The following MAP1B variants were observed in gnomAD, a reference collection of about 807,000 sequenced individuals.
The protein encoded by MAP1B is microtubule-associated protein 1B.
Under a neutral mutation model 176.1 loss-of-function variants are expected in MAP1B, and 12 were observed. The ratio of observed to expected loss-of-function variants is 0.07; its 90% CI spans 0.04 to 0.11. MAP1B has a LOEUF of 0.11. MAP1B is among the 10% of genes least tolerant of loss of function. MAP1B has a pLI of 1.00. For missense variants in MAP1B, 2,523 were observed against 2,990.5 expected, an observed-to-expected ratio of 0.84 and a Z score of 3.65; for synonymous variants, 1,044 against 1,135.0, an observed-to-expected ratio of 0.92 and a Z score of 1.61.
Position 72,186,551 on chromosome 5 carries a change from T to C in MAP1B, c.370-63T>C. On this transcript the variant is annotated intron_variant, in intron 3 of 6. Transcript: ENST00000296755. The surrounding 1 kb of genome is among the most constrained non-coding windows in gnomAD (Gnocchi z 4.3). ...CCCATGGCTCCGAAGGCTAGCCCTG[T>C]CCTGAAGGTGGGATGGCAGCACTGC... 3 of 1,592,144 alleles carry C rather than the reference T, an allele frequency of 1.9e-6. No homozygotes were observed. Among genetic ancestry groups the C allele is most frequent in the Non-Finnish European group, 2.6e-6 (3 of 1,166,208 alleles).
At chr5:72,114,243 A>G (rs55711737) in intron 1 of MAP1B, among the ~76,000 whole-genome samples, 67,909 of 151,982 alleles carry the variant, frequency 0.45, 15,681 homozygotes, top group Middle Eastern at 0.61. Flanking sequence ...TCTATGTATA[A>G]TCCACCTTGA....
chr5:72,187,594 TAAG>T (rs1451292685), intron 4 of MAP1B, among the ~76,000 whole-genome samples: 3 of 152,168 alleles, frequency 2.0e-5, no homozygotes, highest in Admixed American at 6.5e-5. Flanking sequence ...GATGTTCTGA[TAAG>T]AAGAGTCCCC....
chr5:72,124,385 A>G lies in MAP1B; in HGVS notation c.286+8586A>G, dbSNP rs558048821. Among the ~76,000 whole-genome samples, 3 of 152,366 alleles carry G rather than the reference A, an allele frequency of 2.0e-5. No individual in the cohort carries two copies. The South Asian group carries it at 6.2e-4, about 32-fold the overall frequency. ...TTATTTTAATAAACTCTTCTAGGTT[A>G]AAGGATTGCCTATAGTCAGGACTGG... On this transcript the variant is annotated intron_variant, in intron 2 of 6. Transcript: ENST00000296755.
chr5:72,174,261 T>C (rs556685501), intron 2 of MAP1B, among the ~76,000 whole-genome samples: 10 of 152,300 alleles, frequency 6.6e-5, no homozygotes, highest in African/African-American at 2.4e-4. Context: ...ATCTATAAAA[T>C]AGCAAGAATG....
intron 2 of MAP1B, among the ~76,000 whole-genome samples, chr5:72,182,056 G>A (rs1007862399): frequency 7.1e-6 from 1 of 140,554 alleles, no homozygotes; most frequent in Non-Finnish European, 1.5e-5. Flanking sequence ...GAGACACGGG[G>A]TCTCACTTTG....
chr5:72,197,656 G>A lies in MAP1B; in HGVS notation c.4301G>A (p.Gly1434Glu), dbSNP rs150780570. 6.2e-7 allele frequency: 1 copy of A among 1,614,180 alleles called. No individual in the cohort carries two copies. Among genetic ancestry groups the A allele is most frequent in the Non-Finnish European group, 8.5e-7 (1 of 1,180,026 alleles). Reference protein sequence around the residue: ...GAESPFEEKSGKQGSPDQVSP... With the variant: ...GAESPFEEKSEKQGSPDQVSP... ...GAAAGTCCTTTTGAAGAAAAGAGTG[G>A]AAAACAAGGCTCTCCAGACCAAGTA... Residue 1434 changes from glycine to glutamate, a missense_variant, in exon 5 of 7, where the codon GGA (glycine) becomes GAA (glutamate). By Grantham distance (98) the Gly-to-Glu change is moderately conservative (BLOSUM62 -2). This residue lies in a region of MAP1B where 1,925 missense variants were observed against 2,126.0 expected (regional missense o/e 0.91). Coordinates refer to ENST00000296755, the MANE Select transcript of MAP1B (RefSeq NM_005909.5).
chr5:72,115,645 A>G, intron 1 of MAP1B, 53 bp from the exon 2 acceptor site: 1 of 985,648 alleles, frequency 1.0e-6, no homozygotes, highest in South Asian at 1.3e-5. Context: ...TGTCCAAACC[A>G]CTCTGAAATG....
At chr5:72,180,767 CT>C (rs1008904339) in intron 2 of MAP1B, among the ~76,000 whole-genome samples, 1 of 152,068 alleles carries the variant, frequency 6.6e-6, no homozygotes, top group African/African-American at 2.4e-5. Context: ...CCACCGTTGC[CT>C]TTTTTTGGCC....
chr5:72,136,985 C>T (rs1745848525), intron 2 of MAP1B, among the ~76,000 whole-genome samples: 1 of 152,026 alleles, frequency 6.6e-6, no homozygotes, highest in Admixed American at 6.5e-5. Flanking sequence ...CTTCTTCCAC[C>T]CTATGGGCCA....
chr5:72,146,633 A>G (rs1017214356), intron 2 of MAP1B, among the ~76,000 whole-genome samples: 6 of 152,168 alleles, frequency 3.9e-5, no homozygotes, highest in African/African-American at 1.2e-4. Context: ...AGCATGCCCA[A>G]GGTCACACAG....
intron 2 of MAP1B, among the ~76,000 whole-genome samples, chr5:72,140,531 C>T (rs1431045044): frequency 6.6e-6 from 1 of 152,186 alleles, no homozygotes; most frequent in East Asian, 1.9e-4. Context: ...AAAACAGCTG[C>T]ATGTCCTGAC....
rs190465440 is a variant in MAP1B at position 72,162,981 on chromosome 5, G to A, written c.287-20762G>A. Reference sequence around the variant, plus strand: ...GTGGGGGCTCACGCCTGTAATCCCAGCACTTTGGGAGGCTGAGGTGGGCAG... The same window carrying A: ...GTGGGGGCTCACGCCTGTAATCCCAACACTTTGGGAGGCTGAGGTGGGCAG... On this transcript the variant is annotated intron_variant, in intron 2 of 6. Transcript: ENST00000296755. Among the ~76,000 whole-genome samples, 203 of 152,284 alleles carry A rather than the reference G, an allele frequency of 1.3e-3. 1 individual carries two copies. The highest frequency in any genetic ancestry group is 4.6e-3 in the African/African-American group (192 of 41,558).
In MAP1B at chr5:72,194,336, A is replaced by C; in HGVS notation, c.981A>C (p.Lys327Asn). 6.2e-7 allele frequency: 1 copy of C among 1,614,236 alleles called. No homozygotes were observed. Among genetic ancestry groups the C allele is most frequent in the East Asian group, 2.2e-5 (1 of 44,890 alleles). Residue 327 changes from lysine (K) to asparagine (N), a missense_variant, in exon 5 of 7, where the codon AAA (lysine) becomes AAC (asparagine). Lys to Asn is a moderately conservative substitution (Grantham distance 94). Transcript: ENST00000296755. This position sits in a 1 kb window ranked among gnomAD's most constrained non-coding sequence, Gnocchi z 7.2. ...GAATAAACAGCATGTTACAGCGGAA[A>C]ATTGCAGAGCTCGAGGAAGAACAGT... ...LPGINSMLQR[K>N]IAELEEEQSQ... is the part of the protein sequence containing the mutation.
intron 2 of MAP1B, among the ~76,000 whole-genome samples, chr5:72,146,253 G>T (rs1746044309): frequency 6.6e-6 from 1 of 152,188 alleles, no homozygotes; most frequent in Non-Finnish European, 1.5e-5. Flanking sequence ...CAGTGACCCA[G>T]CTCATCTAAT....
At chr5:72,131,434 A>G (rs1745731039) in intron 2 of MAP1B, among the ~76,000 whole-genome samples, 2 of 152,186 alleles carry the variant, frequency 1.3e-5, no homozygotes, top group Non-Finnish European at 1.5e-5. Flanking sequence ...ATATGGATCA[A>G]TGTGAGGTTA....
chr5:72,111,517 G>T lies in MAP1B; in HGVS notation c.184+3802G>T, dbSNP rs192056826. On this transcript the variant is annotated intron_variant, in intron 1 of 6. Transcript: ENST00000296755. ...GTAAGAGAATTTAAAACCCAGGAAAGATTTGGGGTTTAGTTTTCCTTTTCT... is the reference window on the plus strand; with the variant it reads ...GTAAGAGAATTTAAAACCCAGGAAATATTTGGGGTTTAGTTTTCCTTTTCT... Among the ~76,000 whole-genome samples, 7 of 152,326 alleles carry T rather than the reference G, an allele frequency of 4.6e-5. No individual in the cohort carries two copies. In the South Asian group the frequency reaches 6.2e-4, roughly 14 times the overall value.
intron 2 of MAP1B, among the ~76,000 whole-genome samples, chr5:72,132,397 T>G (rs1745749763): frequency 6.6e-6 from 1 of 152,248 alleles, no homozygotes; most frequent in South Asian, 2.1e-4. Flanking sequence ...CTTCCTGTTC[T>G]GATTTCAGCC....
At chr5:72,179,177 C>T (rs2112205076) in intron 2 of MAP1B, among the ~76,000 whole-genome samples, 1 of 152,278 alleles carries the variant, frequency 6.6e-6, no homozygotes, top group East Asian at 1.9e-4. Flanking sequence ...GCTTCACAAT[C>T]ATGCTGAGTT....
intron 2 of MAP1B, among the ~76,000 whole-genome samples, chr5:72,166,221 T>C (rs751915395): frequency 1.5e-4 from 23 of 152,178 alleles, no homozygotes; most frequent in Non-Finnish European, 3.1e-4. Context: ...CAACATTTTC[T>C]CCTAGAGTAA....
Sources: allele counts gnomAD v4.1 joint callset (sites outside exome capture counted in the v4.1 genomes callset), GRCh38; gene constraint gnomAD v4.1.1; regional missense constraint gnomAD v4.1.1; non-coding constraint Gnocchi (gnomAD v3.1); transcripts MANE v1.5; gene names NCBI Gene and HGNC (gene_info 2026-07-23, HGNC 2026-07-21).